IKZF2: variants seen among roughly 807,000 people sequenced by gnomAD.
IKZF2 encodes the protein IKAROS family zinc finger 2.
Under a neutral mutation model 49.2 loss-of-function variants are expected in IKZF2, and 15 were observed. That is an observed-to-expected ratio of 0.30 (90% confidence interval 0.20 to 0.47). The LOEUF (loss-of-function observed/expected upper bound fraction) is 0.47, where lower values mean the gene tolerates loss of function less well. Ranked by LOEUF, IKZF2 falls within the 20% of genes least tolerant of loss-of-function variation. The probability of loss-of-function intolerance (pLI) is 1.00; values close to 1 mark genes in which losing one functional copy is unlikely to be tolerated. For missense variants in IKZF2, 567 were observed against 664.6 expected (o/e 0.85, Z 1.61); for synonymous variants, 227 against 221.4 (o/e 1.03, Z -0.23).
intron 6 of IKZF2, among the ~76,000 whole-genome samples, chr2:213,030,267 T>C (rs533256342): frequency 6.6e-6 from 1 of 152,176 alleles, no homozygotes; most frequent in East Asian, 1.9e-4. Context: ...ACACCTACTT[T>C]TTTTTTCTAA....
intron 4 of IKZF2, among the ~76,000 whole-genome samples, chr2:213,087,826 T>G (rs1185993757): frequency 6.6e-6 from 1 of 152,230 alleles, no homozygotes; most frequent in East Asian, 1.9e-4. Flanking sequence ...ACAAAGGACA[T>G]GAACTCATCC....
intron 4 of IKZF2, chr2:213,081,044 G>A (rs908515010): frequency 6.5e-6 from 1 of 154,512 alleles, no homozygotes; most frequent in Admixed American, 6.6e-5. Context: ...CTATTTATAT[G>A]TCCAACATGT....
At chr2:213,053,566 G>C (rs1700871914) in intron 5 of IKZF2, among the ~76,000 whole-genome samples, 1 of 152,168 alleles carries the variant, frequency 6.6e-6, no homozygotes, top group Admixed American at 6.6e-5. Flanking sequence ...GTGCCTTTGA[G>C]CAAGAGGATG....
At chr2:213,022,208 G>T in intron 6 of IKZF2, 78 bp from the exon 7 acceptor site, 3 of 1,323,020 alleles carry the variant, frequency 2.3e-6, no homozygotes, top group Non-Finnish European at 3.0e-6. Flanking sequence ...ACTTTTGATA[G>T]TCTGGAGGAA....
intron 4 of IKZF2, among the ~76,000 whole-genome samples, chr2:213,138,111 A>G (rs1405743865): frequency 6.6e-6 from 1 of 152,154 alleles, no homozygotes; most frequent in African/African-American, 2.4e-5. Context: ...GAAGCATTCC[A>G]TCTTGTACAT....
intron 8 of IKZF2, among the ~76,000 whole-genome samples, chr2:213,008,883 T>C (rs929058588): frequency 6.6e-6 from 1 of 152,080 alleles, no homozygotes; most frequent in African/African-American, 2.4e-5. Context: ...AAAATATATA[T>C]AACCCATATA....
intron 4 of IKZF2, among the ~76,000 whole-genome samples, chr2:213,092,955 T>C: frequency 6.6e-6 from 1 of 152,164 alleles, no homozygotes; most frequent in South Asian, 2.1e-4. Context: ...GAACCAGCTT[T>C]ACAGAGCAGA....
chr2:213,060,516 T>C (rs1701583436), intron 4 of IKZF2, among the ~76,000 whole-genome samples: 1 of 151,414 alleles, frequency 6.6e-6, no homozygotes, highest in Non-Finnish European at 1.5e-5. Flanking sequence ...GCTATAAAGA[T>C]GAAAACTTGT....
intron 4 of IKZF2, among the ~76,000 whole-genome samples, chr2:213,119,379 G>A (rs2059977688): frequency 6.6e-6 from 1 of 151,960 alleles, no homozygotes; most frequent in Non-Finnish European, 1.5e-5. Context: ...TAATGAAATA[G>A]GTCAGCTCGA....
chr2:213,056,596 T>C lies in IKZF2; in HGVS notation c.406+237A>G. 4.7e-6 allele frequency: 3 copies of C among 642,200 alleles called. No homozygotes were observed. In the Admixed American group the frequency reaches 7.0e-5, roughly 15 times the overall value. 39.8% of individuals were successfully genotyped at this position (642,200 alleles called of 1,614,324 possible). ...GAACCCTTATCATATTATTGCTATA[T>C]TAAGAACTGTGGAAACTGAATCCCA... On this transcript the variant is annotated intron_variant, in intron 5 of 8. Coordinates refer to ENST00000434687, the MANE Select transcript of IKZF2 (RefSeq NM_001387220.1).
chr2:213,023,645 C>T (rs1697475363), intron 6 of IKZF2, among the ~76,000 whole-genome samples: 1 of 152,106 alleles, frequency 6.6e-6, no homozygotes, highest in African/African-American at 2.4e-5. Flanking sequence ...TATGGGACTA[C>T]ATAACAAAAA....
Position 213,007,799 on chromosome 2 carries a change from T to C in IKZF2, c.1142A>G (p.Asp381Gly). The change falls in exon 9 of 9, where the codon GAT becomes GGT. Residue 381 changes from aspartate to glycine, a missense_variant. Asp to Gly is a moderately conservative substitution (Grantham distance 94). Transcript: ENST00000434687. ...ETADSHENNMDGPISLIRPKS... is the reference protein window; with the variant it reads ...ETADSHENNMGGPISLIRPKS... ...TGGTCTGATGAGAGAGATGGGGCCA[T>C]CCATGTTGTTTTCATGACTATCAGC... 1 of 1,613,632 alleles carries C rather than the reference T, an allele frequency of 6.2e-7. No homozygotes were observed. The highest frequency in any genetic ancestry group is 8.5e-7 in the Non-Finnish European group (1 of 1,179,742).
intron 5 of IKZF2, 60 bp from the exon 6 acceptor site, chr2:213,049,940 C>CA: frequency 3.2e-6 from 4 of 1,255,374 alleles, no homozygotes; most frequent in Non-Finnish European, 3.2e-6. Context: ...GACTAATTTG[C>CA]CATCCACTGT....
At chr2:213,117,699 C>T (rs1290667609) in intron 4 of IKZF2, among the ~76,000 whole-genome samples, 1 of 152,192 alleles carries the variant, frequency 6.6e-6, no homozygotes, top group Non-Finnish European at 1.5e-5. Context: ...ACAATACTTC[C>T]GTTTCCCACT....
At chr2:213,142,157 A>G (rs947765482) in intron 4 of IKZF2, among the ~76,000 whole-genome samples, 2 of 151,994 alleles carry the variant, frequency 1.3e-5, no homozygotes, top group African/African-American at 4.8e-5. Flanking sequence ...TGGAACACCA[A>G]TAATATGCAG....
intron 1 of IKZF2, among the ~76,000 whole-genome samples, chr2:213,150,606 G>C (rs1327242396): frequency 6.7e-6 from 1 of 149,740 alleles, no homozygotes; most frequent in Non-Finnish European, 1.5e-5. Context: ...AGAGAGGTCA[G>C]TCAGTGCTAT....
At chr2:213,149,771 T>A (rs1216095719) in intron 2 of IKZF2, among the ~76,000 whole-genome samples, 1 of 106,852 alleles carries the variant, frequency 9.4e-6, no homozygotes, top group Non-Finnish European at 1.9e-5. Flanking sequence ...ACCACCACAC[T>A]CCCTTACCCC....
intron 4 of IKZF2, among the ~76,000 whole-genome samples, chr2:213,059,090 A>G (rs1255138616): frequency 6.6e-6 from 1 of 151,806 alleles, no homozygotes; most frequent in East Asian, 1.9e-4. Context: ...GTATTTTATT[A>G]TGGTTTTTAA....
chr2:213,064,461 C>T (rs1004249295), intron 4 of IKZF2, among the ~76,000 whole-genome samples: 15 of 151,992 alleles, frequency 9.9e-5, no homozygotes, highest in African/African-American at 1.7e-4. Context: ...TATCTAACTT[C>T]CTGATGATCC....
Sources: gnomAD v4.1 joint callset for allele counts (sites outside exome capture counted in the v4.1 genomes callset) on GRCh38, gnomAD v4.1.1 for gene constraint, MANE v1.5 for transcripts, NCBI Gene and HGNC (gene_info 2026-07-23, HGNC 2026-07-21) for gene names.